RGS6: variants seen among roughly 807,000 people sequenced by gnomAD.
RGS6 encodes the protein regulator of G-protein signaling 6.
In RGS6, 30 loss-of-function variants were observed where a neutral mutation model predicts 78.5. That is an observed-to-expected ratio of 0.38 (90% CI 0.29 to 0.52). The LOEUF (loss-of-function observed/expected upper bound fraction) is 0.52. RGS6 is among the 20% of genes least tolerant of loss of function. The pLI, the probability that RGS6 is intolerant of heterozygous loss-of-function variation, is 0.85. For missense variants in RGS6, 495 were observed against 609.7 expected, an observed-to-expected ratio of 0.81 and a Z score of 1.98; for synonymous variants, 206 against 206.0, an observed-to-expected ratio of 1.00 and a Z score of 0.00.
At chr14:72,605,426 T>C in the RGS6 span, among the ~76,000 whole-genome samples, 1 of 152,186 alleles carries the variant, frequency 6.6e-6, no homozygotes, top group Non-Finnish European at 1.5e-5. Context: ...TTAATGAGGC[T>C]CACAGCTGTA....
intron 2 of RGS6, among the ~76,000 whole-genome samples, chr14:72,025,307 G>A (rs559501784): frequency 5.9e-5 from 9 of 151,970 alleles, no homozygotes; most frequent in African/African-American, 1.7e-4. Context: ...CCCGTGTCTC[G>A]GTGTTTCTGG....
At chr14:71,867,578 G>T in the RGS6 span, among the ~76,000 whole-genome samples, 1 of 152,128 alleles carries the variant, frequency 6.6e-6, no homozygotes, top group Non-Finnish European at 1.5e-5. Context: ...AAGGAGCTGG[G>T]CCTGGAGAGA....
chr14:71,893,763 G>C, the RGS6 span, among the ~76,000 whole-genome samples: 4 of 152,102 alleles, frequency 2.6e-5, no homozygotes, highest in Admixed American at 6.6e-5. Context: ...TGGTGTTTTA[G>C]CTTTAAAATG....
chr14:71,929,272 G>A (rs888983278), upstream of RGS6, among the ~76,000 whole-genome samples: 2 of 152,194 alleles, frequency 1.3e-5, no homozygotes, highest in East Asian at 1.9e-4. Flanking sequence ...GCTGCATTTA[G>A]TTGTCTCATC....
At chr14:71,936,363 G>T (rs1052942433) in intron 1 of RGS6, among the ~76,000 whole-genome samples, 1 of 151,966 alleles carries the variant, frequency 6.6e-6, no homozygotes, top group African/African-American at 2.4e-5. Flanking sequence ...AAGCTGATTA[G>T]GTTGTGCCCA....
the RGS6 span, among the ~76,000 whole-genome samples, chr14:71,885,884 TTTCCTTCC>T: frequency 1.3e-5 from 2 of 151,764 alleles, no homozygotes; most frequent in Non-Finnish European, 2.9e-5. Context: ...AAATTCTTTC[TTTCCTTCC>T]TTCCTTCCTT....
intron 2 of RGS6, among the ~76,000 whole-genome samples, chr14:72,194,950 T>C (rs2039671189): frequency 6.6e-6 from 1 of 152,016 alleles, no homozygotes; most frequent in African/African-American, 2.4e-5. Context: ...CTCACACCTG[T>C]CAATCCCAGA....
intron 3 of RGS6, among the ~76,000 whole-genome samples, chr14:72,394,707 T>C (rs2059799266): frequency 6.6e-6 from 1 of 152,204 alleles, no homozygotes; most frequent in South Asian, 2.1e-4. Flanking sequence ...AGATTTCCTA[T>C]TGTTTAAACA....
At chr14:71,966,743 A>G (rs751175951) in intron 2 of RGS6, among the ~76,000 whole-genome samples, 4 of 152,210 alleles carry the variant, frequency 2.6e-5, no homozygotes, top group Non-Finnish European at 4.4e-5. Flanking sequence ...TCCGTAATGA[A>G]TATCTCTTTT....
At chr14:72,185,533 A>G (rs1469454750) in intron 2 of RGS6, among the ~76,000 whole-genome samples, 2 of 152,228 alleles carry the variant, frequency 1.3e-5, no homozygotes, top group Non-Finnish European at 2.9e-5. Flanking sequence ...ACAAAATAAC[A>G]GTATGACAAA....
intron 2 of RGS6, among the ~76,000 whole-genome samples, chr14:71,980,066 T>A (rs375933358): frequency 4.6e-4 from 61 of 132,500 alleles, no homozygotes; most frequent in South Asian, 5.6e-4. Context: ...CTGTTTTATC[T>A]GAGACTAGGA....
rs531536899 is a variant in RGS6 at position 72,005,871 on chromosome 14, T to C, written c.84+40996T>C. Among the ~76,000 whole-genome samples, 7 of 152,202 alleles carry C rather than the reference T, an allele frequency of 4.6e-5. No individual in the cohort carries two copies. The South Asian group carries it at 1.5e-3, about 32-fold the overall frequency. ...ATGTACATTTTTACTTTATTCATTATTGTTTTTTTTTTCTTAAGCAAAGTT... is the reference window on the plus strand; with the variant it reads ...ATGTACATTTTTACTTTATTCATTACTGTTTTTTTTTTCTTAAGCAAAGTT... On this transcript the variant is annotated intron_variant, in intron 2 of 17. Coordinates refer to ENST00000553525, the MANE Select transcript of RGS6 (RefSeq NM_001204424.2).
chr14:72,430,277 A>G (rs2094574176), intron 3 of RGS6, among the ~76,000 whole-genome samples: 1 of 152,178 alleles, frequency 6.6e-6, no homozygotes, highest in African/African-American at 2.4e-5. Flanking sequence ...CTCTTCTCTA[A>G]CATCTCCACC....
Position 72,410,192 on chromosome 14 carries a change from T to C in RGS6, c.185-44336T>C, listed in dbSNP as rs547344771. Among the ~76,000 whole-genome samples the C allele has an allele frequency of 3.5e-3, 530 of 152,266 alleles. 2 individuals are homozygous for C. Among genetic ancestry groups the C allele is most frequent in the Middle Eastern group, 0.01 (3 of 294 alleles). ...TACAGTCCCACCAACAGTGTAAAAGTGTTCCTATTTCTCCACATCCTCTCC... is the reference window on the plus strand; with the variant it reads ...TACAGTCCCACCAACAGTGTAAAAGCGTTCCTATTTCTCCACATCCTCTCC... On this transcript the variant is annotated intron_variant, in intron 3 of 17. Coordinates refer to ENST00000553525, the MANE Select transcript of RGS6 (RefSeq NM_001204424.2).
chr14:72,417,366 G>T (rs1242667362), intron 3 of RGS6, among the ~76,000 whole-genome samples: 1 of 152,196 alleles, frequency 6.6e-6, no homozygotes, highest in Non-Finnish European at 1.5e-5. Flanking sequence ...CCTTCACTGT[G>T]CCAGCCAGCC....
At chr14:72,038,557 T>C (rs1296735984) in intron 2 of RGS6, among the ~76,000 whole-genome samples, 1 of 152,202 alleles carries the variant, frequency 6.6e-6, no homozygotes, top group Non-Finnish European at 1.5e-5. Flanking sequence ...AGGTCCTCTT[T>C]ATTTCATTAG....
intron 3 of RGS6, among the ~76,000 whole-genome samples, chr14:72,415,682 AC>A (rs553139258): frequency 1.3e-5 from 2 of 151,604 alleles, no homozygotes; most frequent in South Asian, 2.1e-4. Context: ...TCTTGGCTCC[AC>A]CCCCCCGGCA....
In RGS6 at chr14:72,032,473, A is replaced by G. The variant is rs191856449; in HGVS notation, c.84+67598A>G. Among the ~76,000 whole-genome samples, 6 of 152,344 alleles carry G rather than the reference A, an allele frequency of 3.9e-5. No individual in the cohort carries two copies. The South Asian group carries it at 1.0e-3, about 26-fold the overall frequency. ...TGGTTTTTGTTATTGTGATAAAAAC[A>G]TAACAAAAGTTACCATAGTAACCAT... On this transcript the variant is annotated intron_variant, in intron 2 of 17. Coordinates refer to ENST00000553525, the MANE Select transcript of RGS6 (RefSeq NM_001204424.2).
the RGS6 span, among the ~76,000 whole-genome samples, chr14:71,889,258 C>A: frequency 1.4e-4 from 21 of 151,826 alleles, no homozygotes; most frequent in Admixed American, 2.6e-4. Context: ...GGGTTGGGGG[C>A]AAGGCACAGA....
Sources: allele counts gnomAD v4.1 joint callset (sites outside exome capture counted in the v4.1 genomes callset), GRCh38; gene constraint gnomAD v4.1.1; transcripts MANE v1.5; gene names NCBI Gene and HGNC (gene_info 2026-07-23, HGNC 2026-07-21).